Variants in NEMP2 observed in about 807,000 individuals in gnomAD.
The protein encoded by NEMP2 is nuclear envelope integral membrane protein 2, also known as UPF0571 transmembrane protein.
A neutral mutation model predicts 54.2 loss-of-function variants in NEMP2; 53 were observed. That is an observed-to-expected ratio of 0.98 (90% CI 0.78 to 1.23). The LOEUF (loss-of-function observed/expected upper bound fraction) is 1.23, where lower values mean the gene tolerates loss of function less well. Ranked by LOEUF, NEMP2 falls within the 50% of genes most tolerant of loss-of-function variation. NEMP2 has a pLI of 0.00. For synonymous variants in NEMP2, 197 were observed against 190.3 expected, an observed-to-expected ratio of 1.04 and a Z score of -0.29; for missense variants, 455 against 511.3, an observed-to-expected ratio of 0.89 and a Z score of 1.06.
the NEMP2 span, among the ~76,000 whole-genome samples, chr2:190,486,472 G>A: frequency 6.6e-6 from 1 of 152,328 alleles, no homozygotes; most frequent in South Asian, 2.1e-4. Flanking sequence ...CTTGGCTAGA[G>A]TCTTCAACTT....
the NEMP2 span, among the ~76,000 whole-genome samples, chr2:190,548,334 T>C: frequency 4.6e-5 from 7 of 152,182 alleles, no homozygotes; most frequent in Non-Finnish European, 7.4e-5. Context: ...AAGGTTAGAA[T>C]AGGCCAAGGA....
chr2:190,500,284 C>A (rs1300282117), downstream of NEMP2: 11 of 1,562,306 alleles, frequency 7.0e-6, no homozygotes, highest in Non-Finnish European at 9.6e-6. The surrounding 1 kb of genome is among the most constrained non-coding windows in gnomAD (Gnocchi z 5.3). Context: ...AGGGTGAGGC[C>A]CCCCAGCCAG....
the NEMP2 span, among the ~76,000 whole-genome samples, chr2:190,566,387 G>T: frequency 1.3e-5 from 2 of 152,106 alleles, no homozygotes; most frequent in Non-Finnish European, 2.9e-5. Flanking sequence ...GGGAGGCTGA[G>T]GTGGGAGGAT....
At chr2:190,532,289 C>G (rs1231679963) in intron 1 of NEMP2, among the ~76,000 whole-genome samples, 1 of 152,108 alleles carries the variant, frequency 6.6e-6, no homozygotes. Context: ...GAATATTCAT[C>G]TTTTTCTTTC....
At chr2:190,516,456 A>C in intron 5 of NEMP2, 72 bp from the exon 6 acceptor site, 1 of 1,159,086 alleles carries the variant, frequency 8.6e-7, no homozygotes, top group Non-Finnish European at 1.2e-6. Context: ...GCAAACAAAT[A>C]AACCTTTTGT....
chr2:190,546,699 T>C, the NEMP2 span, among the ~76,000 whole-genome samples: 1 of 152,222 alleles, frequency 6.6e-6, no homozygotes, highest in Non-Finnish European at 1.5e-5. The surrounding 1 kb of genome is among the most constrained non-coding windows in gnomAD (Gnocchi z 5.1). Flanking sequence ...TACTGTGATT[T>C]ATAGGTCCTG....
the NEMP2 span, among the ~76,000 whole-genome samples, chr2:190,563,073 A>G: frequency 1.3e-5 from 2 of 152,222 alleles, no homozygotes; most frequent in African/African-American, 4.8e-5. This position sits in a 1 kb window ranked among gnomAD's most constrained non-coding sequence, Gnocchi z 4.3. Context: ...ATTATCAGCA[A>G]AGCTTTGCTC....
At chr2:190,448,205 C>A in the NEMP2 span, among the ~76,000 whole-genome samples, 12 of 152,180 alleles carry the variant, frequency 7.9e-5, no homozygotes, top group African/African-American at 2.7e-4. Context: ...ATGGTTCCTG[C>A]AAATTCCATT....
At chr2:190,422,957 A>AAAGCCTTTGATGGTGTGGG in the NEMP2 span, among the ~76,000 whole-genome samples, 2 of 152,004 alleles carry the variant, frequency 1.3e-5, no homozygotes, top group East Asian at 1.9e-4. Flanking sequence ...TACAAAGTCA[A>AAAGCCTTTGATGGTGTGGG]CACTTCATGA....
At chr2:190,641,733 A>G in the NEMP2 span, among the ~76,000 whole-genome samples, 1 of 152,206 alleles carries the variant, frequency 6.6e-6, no homozygotes, top group Non-Finnish European at 1.5e-5. Context: ...TGTGGCTGAC[A>G]CCTAAAACAG....
chr2:190,555,794 A>T, the NEMP2 span, among the ~76,000 whole-genome samples: 1 of 152,126 alleles, frequency 6.6e-6, no homozygotes, highest in African/African-American at 2.4e-5. The surrounding 1 kb of genome is among the most constrained non-coding windows in gnomAD (Gnocchi z 4.8). Context: ...GCAGGCCAAC[A>T]TTCAAATTCA....
the NEMP2 span, among the ~76,000 whole-genome samples, chr2:190,559,967 G>T: frequency 6.6e-6 from 1 of 152,196 alleles, no homozygotes; most frequent in Non-Finnish European, 1.5e-5. The surrounding 1 kb of genome is among the most constrained non-coding windows in gnomAD (Gnocchi z 4.0). Flanking sequence ...AGTCCTAAAA[G>T]GGTGGCAGTT....
chr2:190,434,201 AAAAG>A, the NEMP2 span, among the ~76,000 whole-genome samples: 2 of 151,952 alleles, frequency 1.3e-5, no homozygotes, highest in South Asian at 4.2e-4. This position sits in a 1 kb window ranked among gnomAD's most constrained non-coding sequence, Gnocchi z 4.3. Flanking sequence ...AAAAAGAAAA[AAAAG>A]AAAAGAAGGT....
the NEMP2 span, chr2:190,488,722 C>T: frequency 4.7e-5 from 75 of 1,609,400 alleles, no homozygotes; most frequent in Non-Finnish European, 4.0e-5. This position sits in a 1 kb window ranked among gnomAD's most constrained non-coding sequence, Gnocchi z 6.4. Context: ...TCCCCCTGAG[C>T]TGAGGACATC....
chr2:190,602,726 A>G, the NEMP2 span, among the ~76,000 whole-genome samples: 2 of 152,182 alleles, frequency 1.3e-5, no homozygotes, highest in East Asian at 3.8e-4. Context: ...AAGGGAGTGC[A>G]GTTTTCTGGC....
At position 190,516,481 on chromosome 2, in the gene NEMP2, C is replaced by A. The variant is rs1259882051; in HGVS notation, c.613-97G>T. 10 of 876,320 alleles carry A rather than the reference C, an allele frequency of 1.1e-5. No individual in the cohort carries two copies. The East Asian group carries it at 2.7e-4, about 24-fold the overall frequency. 54.3% of individuals were successfully genotyped at this position (876,320 alleles called of 1,614,324 possible). ...AAACCTTTTGTATTAGAAACTCCTACATCAAACTGATTTGAAGTCAATTTA... is the reference window on the plus strand; with the variant it reads ...AAACCTTTTGTATTAGAAACTCCTAAATCAAACTGATTTGAAGTCAATTTA... On this transcript the variant is annotated intron_variant, in intron 5 of 8. Coordinates refer to ENST00000409150, the MANE Select transcript of NEMP2 (RefSeq NM_001142645.2).
chr2:190,568,709 C>T, the NEMP2 span, among the ~76,000 whole-genome samples: 1 of 151,062 alleles, frequency 6.6e-6, no homozygotes, highest in African/African-American at 2.4e-5. This position sits in a 1 kb window ranked among gnomAD's most constrained non-coding sequence, Gnocchi z 4.7. Context: ...GTAATCCCAG[C>T]TACTCTGGAG....
chr2:190,572,862 TATATATA>T, the NEMP2 span, among the ~76,000 whole-genome samples: 1 of 133,526 alleles, frequency 7.5e-6, no homozygotes, highest in South Asian at 2.4e-4. Flanking sequence ...TATATATATA[TATATATA>T]TATATATGTA....
At chr2:190,645,133 A>C in the NEMP2 span, among the ~76,000 whole-genome samples, 9 of 152,230 alleles carry the variant, frequency 5.9e-5, no homozygotes, top group African/African-American at 2.2e-4. Context: ...AAAACCATAC[A>C]AGTGATATTT....
Sources: gnomAD v4.1 joint callset for allele counts (sites outside exome capture counted in the v4.1 genomes callset) on GRCh38, gnomAD v4.1.1 for gene constraint, Gnocchi (gnomAD v3.1) non-coding constraint, MANE v1.5 for transcripts, NCBI Gene and HGNC (gene_info 2026-07-23, HGNC 2026-07-21) for gene names.